The following VTN variants were observed in gnomAD, a reference collection of about 807,000 sequenced individuals.
The protein encoded by VTN is complement S-protein.
A neutral mutation model predicts 55.9 loss-of-function variants in VTN; 45 were observed. The ratio of observed to expected loss-of-function variants is 0.80; its 90% CI spans 0.63 to 1.03. The LOEUF (loss-of-function observed/expected upper bound fraction) is 1.03, where lower values mean the gene tolerates loss of function less well. VTN is among the 50% of genes least tolerant of loss of function. The pLI is 0.00. For synonymous variants in VTN, 238 were observed against 242.3 expected, an observed-to-expected ratio of 0.98 and a Z score of 0.17; for missense variants, 589 against 638.2, an observed-to-expected ratio of 0.92 and a Z score of 0.83.
chr17:28,368,963 G>A lies in VTN; in HGVS notation c.735C>T (p.Asp245=), dbSNP rs782754336. 52 of 1,604,026 alleles carry A rather than the reference G, an allele frequency of 3.2e-5. No homozygotes were observed. The highest frequency in any genetic ancestry group is 8.9e-5 in the Admixed American group (5 of 56,078). ...LDPDYPRNIS[D]GFDGIPDNVD... ...CGTTGTCCGGGATGCCATCGAAGCCGTCAGAGATATTTCGGGGGTAATCAG... is the reference window on the plus strand; with the variant it reads ...CGTTGTCCGGGATGCCATCGAAGCCATCAGAGATATTTCGGGGGTAATCAG... The change falls in exon 5 of 8, where the codon GAC becomes GAT. Residue 245 remains aspartate (D), a synonymous_variant. Transcript: ENST00000226218.
Position 28,367,324 on chromosome 17 carries a change from G to T in VTN, c.*45C>A. ...CTTTATTGGGCTGGGGGAAGGAGATGGGAGGAGGGAGCTACAGAGGGCCCG... is the reference window on the plus strand; with the variant it reads ...CTTTATTGGGCTGGGGGAAGGAGATTGGAGGAGGGAGCTACAGAGGGCCCG... On this transcript the variant is annotated 3_prime_UTR_variant, in exon 8 of 8. Coordinates refer to ENST00000226218, the MANE Select transcript of VTN (RefSeq NM_000638.4). 1 of 1,343,216 alleles carries T rather than the reference G, an allele frequency of 7.4e-7. No homozygotes were observed. The highest frequency in any genetic ancestry group is 1.0e-6 in the Non-Finnish European group (1 of 969,206). 83.2% of individuals were successfully genotyped at this position (1,343,216 alleles called of 1,614,324 possible). A position where few individuals can be genotyped will look rare whatever the true frequency, so the allele number is the denominator to read the frequency against.
At position 28,368,774 on chromosome 17, in the gene VTN, CA is replaced by C. The variant is rs1567801684; in HGVS notation, c.826+97del. 54 of 1,610,182 alleles carry C rather than the reference CA, an allele frequency of 3.4e-5. No homozygotes were observed. The South Asian group carries it at 4.8e-4, about 14-fold the overall frequency. On this transcript the variant is annotated intron_variant, in intron 5 of 7. Transcript: ENST00000226218. The stretch of plus-strand genomic sequence containing the variant: ...GGATCTCCCAGCATGAGGTGGGGGT[CA>C]GGGGTGGGCACATGCTGAGGCCTGT...
At position 28,368,568 on chromosome 17, in the gene VTN, T is replaced by C; in HGVS notation, c.932A>G (p.Asp311Gly). The stretch of plus-strand genomic sequence containing the variant: ...AAGCTCGAAGATGTCCTCCCAGCTG[T>C]CCCGCTGCATCATGGCAAAGTGTTC... ...VFEHFAMMQR[D>G]SWEDIFELLF... is the part of the protein sequence containing the mutation. Residue 311 changes from aspartate (D) to glycine (G), a missense_variant, in exon 6 of 8, where the codon GAC becomes GGC. By Grantham distance (94) the Asp-to-Gly change is moderately conservative (BLOSUM62 -1). Coordinates refer to ENST00000226218, the MANE Select transcript of VTN (RefSeq NM_000638.4). 1 of 1,614,008 alleles carries C rather than the reference T, an allele frequency of 6.2e-7. No individual in the cohort carries two copies. The highest frequency in any genetic ancestry group is 8.5e-7 in the Non-Finnish European group (1 of 1,180,010).
Position 28,369,701 on chromosome 17 carries a change from T to C in VTN, c.335A>G (p.Gln112Arg), listed in dbSNP as rs782541028. The C allele has an allele frequency of 6.2e-7, 1 of 1,613,822 alleles. No homozygotes were observed. Residue 112 changes from glutamine (Q) to arginine (R), a missense_variant, in exon 3 of 8, where the codon CAG becomes CGG. Around this residue, in one of 3 missense-constraint regions of VTN, gnomAD observed 217 missense variants for 241.3 expected, o/e 0.90. Coordinates refer to ENST00000226218, the MANE Select transcript of VTN (RefSeq NM_000638.4). This position sits in a 1 kb window ranked among gnomAD's most constrained non-coding sequence, Gnocchi z 5.3. ...TTCCTCAGGTTTCAGAACAGGTGTC[T>C]GCTCAGGATTCCCTTTGGACTGGGC... is the stretch of plus-strand genomic sequence containing the variant. ...LQAQSKGNPE[Q>R]TPVLKPEEEA...
rs782088771 is a variant in VTN, at chr17:28,368,471, G to A, written c.979+50C>T. The A allele has an allele frequency of 1.9e-5, 31 of 1,604,468 alleles. 1 individual carries two copies. Among genetic ancestry groups the A allele is most frequent in the Non-Finnish European group, 2.5e-5 (29 of 1,174,802 alleles). Reference sequence around the variant, plus strand: ...GCCGGCCTGGCTCTACCAATACCAAGGGGTTTCAGCCCTTTTGAGGGAGAA... The same window carrying A: ...GCCGGCCTGGCTCTACCAATACCAAAGGGTTTCAGCCCTTTTGAGGGAGAA... On this transcript the variant is annotated intron_variant, in intron 6 of 7. Coordinates refer to ENST00000226218, the MANE Select transcript of VTN (RefSeq NM_000638.4).
Position 28,369,748 on chromosome 17 carries a change from G to A in VTN, c.288C>T (p.Pro96=), listed in dbSNP as rs782327226. 99 of 1,613,858 alleles carry A rather than the reference G, an allele frequency of 6.1e-5. No homozygotes were observed. The Admixed American group carries it at 1.6e-3, about 27-fold the overall frequency. ...GGGCCTGGAGGTCAGAGGTCAGGGA[G>A]GGGCCCCCCACCTGTTCATGGACAG... The part of the protein sequence containing the change: ...NATVHEQVGG[P]SLTSDLQAQS... The change falls in exon 3 of 8, where the codon CCC becomes CCT. Residue 96 remains proline (P), a synonymous_variant. Coordinates refer to ENST00000226218, the MANE Select transcript of VTN (RefSeq NM_000638.4). This position sits in a 1 kb window ranked among gnomAD's most constrained non-coding sequence, Gnocchi z 5.3.
In VTN at chr17:28,367,356, T is replaced by G; in HGVS notation, c.*13A>C. ...GGGAGCTACAGAGGGCCCGGCCATG[T>G]GGGCTCTGACTCCTACAGATGGCCA... On this transcript the variant is annotated 3_prime_UTR_variant, in exon 8 of 8. Coordinates refer to ENST00000226218, the MANE Select transcript of VTN (RefSeq NM_000638.4). The G allele has an allele frequency of 6.4e-7, 1 of 1,562,510 alleles. No homozygotes were observed. The highest frequency in any genetic ancestry group is 1.2e-5 in the South Asian group (1 of 84,634).
chr17:28,369,349 C>G lies in VTN; in HGVS notation c.609G>C (p.Glu203Asp). The change falls in exon 4 of 8, where the codon GAG becomes GAC. Residue 203 changes from glutamate (E) to aspartate (D), a missense_variant. By Grantham distance (45) the Glu-to-Asp change is conservative. Coordinates refer to ENST00000226218, the MANE Select transcript of VTN (RefSeq NM_000638.4). This position sits in a 1 kb window ranked among gnomAD's most constrained non-coding sequence, Gnocchi z 5.3. Reference protein sequence around the residue: ...PKLIRDVWGIEGPIDAAFTRI... With the variant: ...PKLIRDVWGIDGPIDAAFTRI... ...GGGTGAAGGCGGCATCGATGGGGCC[C>G]TCGATGCCCCAGACATCTCGGATGA... The G allele has an allele frequency of 6.2e-7, 1 of 1,607,820 alleles. No homozygotes were observed. Among genetic ancestry groups the G allele is most frequent in the Non-Finnish European group, 8.5e-7 (1 of 1,175,208 alleles).
rs564459012 is a variant in VTN at position 28,368,896 on chromosome 17, G to A, written c.802C>T (p.Arg268Trp). The change falls in exon 5 of 8, where the codon CGG becomes TGG. Residue 268 changes from arginine to tryptophan, a missense_variant. This residue lies in a region of VTN where 334 missense variants were observed against 328.2 expected (regional missense o/e 1.02). Transcript: ENST00000226218. Reference sequence around the variant, plus strand: ...CCCTTGAAGAAGTAGACCCGCTCCCGGCCACTGTAGCTATGGGCAGGGAGG... The same window carrying A: ...CCCTTGAAGAAGTAGACCCGCTCCCAGCCACTGTAGCTATGGGCAGGGAGG... The part of the protein sequence containing the change: ...LALPAHSYSG[R>W]ERVYFFKGKQ... The A allele has an allele frequency of 2.6e-5, 42 of 1,613,472 alleles. No individual in the cohort carries two copies. The East Asian group carries it at 3.8e-4, about 15-fold the overall frequency.
At position 28,370,131 on chromosome 17, in the gene VTN, C is replaced by A. The variant is rs376564388; in HGVS notation, c.64+9G>T. On this transcript the variant is annotated intron_variant, in intron 1 of 7. Coordinates refer to ENST00000226218, the MANE Select transcript of VTN (RefSeq NM_000638.4). The stretch of plus-strand genomic sequence containing the variant: ...ATTGACCCAGATGGCCACCAACACT[C>A]CCCTGTACCTTGGTCAGCCAGAGCA... 108 of 1,613,672 alleles carry A rather than the reference C, an allele frequency of 6.7e-5. No homozygotes were observed. In the African/African-American group the frequency reaches 1.4e-3, roughly 21 times the overall value.
At position 28,368,859 on chromosome 17, in the gene VTN, A is replaced by G. The variant is rs2227724; in HGVS notation, c.826+13T>C. 529 of 1,612,992 alleles carry G rather than the reference A, an allele frequency of 3.3e-4. 1 individual carries two copies. The African/African-American group carries it at 6.4e-3, about 20-fold the overall frequency. On this transcript the variant is annotated intron_variant, in intron 5 of 7. Coordinates refer to ENST00000226218, the MANE Select transcript of VTN (RefSeq NM_000638.4). ...TCCACTGCCTGCTCAGTCTCCCACC[A>G]CCCCCTGAGTACCCTTGAAGAAGTA...
In VTN at chr17:28,369,101, A is replaced by G. The variant is rs561993756; in HGVS notation, c.670-73T>C. 215 of 1,522,430 alleles carry G rather than the reference A, an allele frequency of 1.4e-4. 2 individuals are homozygous for G. In the East Asian group the frequency reaches 4.8e-3, roughly 34 times the overall value. The allele number at this position is 1,522,430 out of a possible 1,614,324, so 94.3% of individuals were successfully genotyped here. ...CACAGAGGCAGAGTCCCTTGCCCTA[A>G]GGCAGCCGTTCCCAGGTCCAGGTTC... On this transcript the variant is annotated intron_variant, in intron 4 of 7. Coordinates refer to ENST00000226218, the MANE Select transcript of VTN (RefSeq NM_000638.4). The surrounding 1 kb of genome is among the most constrained non-coding windows in gnomAD (Gnocchi z 5.3).
chr17:28,369,273 C>T lies in VTN; in HGVS notation c.669+16G>A. On this transcript the variant is annotated intron_variant, in intron 4 of 7. Coordinates refer to ENST00000226218, the MANE Select transcript of VTN (RefSeq NM_000638.4). This position sits in a 1 kb window ranked among gnomAD's most constrained non-coding sequence, Gnocchi z 5.3. ...CTCCCTAGATGCTTTCTACCCTGGC[C>T]CACAGCCCCTGGCACCTTGAAGAGG... The T allele has an allele frequency of 1.3e-6, 2 of 1,568,606 alleles. No homozygotes were observed. Among genetic ancestry groups the T allele is most frequent in the Non-Finnish European group, 8.7e-7 (1 of 1,153,156 alleles).
rs1209957064 is a variant in VTN, at chr17:28,370,225, C to T, written c.-22G>A. On this transcript the variant is annotated 5_prime_UTR_variant, in exon 1 of 8. Transcript: ENST00000226218. ...CCATGGCAGGGCTTCTAGCTCAGTG[C>T]CTGGCAAGCTGGGCTCTGGTCTCCC... 2 of 1,603,992 alleles carry T rather than the reference C, an allele frequency of 1.2e-6. No individual in the cohort carries two copies. Among genetic ancestry groups the T allele is most frequent in the African/African-American group, 1.3e-5 (1 of 74,794 alleles).
rs139553576 is a variant in VTN at position 28,367,882 on chromosome 17, C to T, written c.1157G>A (p.Ser386Asn). Residue 386 changes from serine (S) to asparagine (N), a missense_variant, in exon 7 of 8, where the codon AGC (serine) becomes AAC (asparagine). By Grantham distance (46) the Ser-to-Asn change is conservative (BLOSUM62 1). Around this residue, in one of 3 missense-constraint regions of VTN, gnomAD observed 334 missense variants for 328.2 expected, o/e 1.02. Transcript: ENST00000226218. ...RKGYRSQRGH[S>N]RGRNQNSRRP... Reference sequence around the variant, plus strand: ...GCGGGAGTTCTGGTTGCGGCCACGGCTGTGGCCTCGTTGTGAACGGTAGCC... The same window carrying T: ...GCGGGAGTTCTGGTTGCGGCCACGGTTGTGGCCTCGTTGTGAACGGTAGCC... 309 of 1,613,672 alleles carry T rather than the reference C, an allele frequency of 1.9e-4. No homozygotes were observed. The highest frequency in any genetic ancestry group is 3.3e-4 in the Middle Eastern group (2 of 6,084).
rs782480590 is a variant in VTN, at chr17:28,370,122, A to G, written c.64+18T>C. 5.0e-6 allele frequency: 8 copies of G among 1,613,618 alleles called. No individual in the cohort carries two copies. Among genetic ancestry groups the G allele is most frequent in the Middle Eastern group, 1.7e-4 (1 of 6,060 alleles). On this transcript the variant is annotated intron_variant, in intron 1 of 7. Transcript: ENST00000226218. ...CCTCCCTACATTGACCCAGATGGCC[A>G]CCAACACTCCCCTGTACCTTGGTCA... is the stretch of plus-strand genomic sequence containing the variant.
intron 1 of VTN, 37 bp from the exon 2 acceptor site, chr17:28,370,083 C>G: frequency 6.2e-7 from 1 of 1,613,984 alleles, no homozygotes; most frequent in Non-Finnish European, 8.5e-7. Context: ...CCACCAAGCC[C>G]AGACCACCCT....
Position 28,369,963 on chromosome 17 carries a change from A to C in VTN, c.148T>G (p.Cys50Gly), listed in dbSNP as rs1555583745. 6.2e-7 allele frequency: 1 copy of C among 1,614,120 alleles called. No homozygotes were observed. The highest frequency in any genetic ancestry group is 1.7e-5 in the Admixed American group (1 of 60,028). Reference sequence around the variant, plus strand: ...CACTCAGCCGTATAGTCTGTGCAGCAGCTCTGGTAGTAAGAGCAGAGCTCG... The same window carrying C: ...CACTCAGCCGTATAGTCTGTGCAGCCGCTCTGGTAGTAAGAGCAGAGCTCG... ...CDELCSYYQSCCTDYTAECKP... is the reference protein window; with the variant it reads ...CDELCSYYQSGCTDYTAECKP... The change falls in exon 2 of 8, where the codon TGC becomes GGC. Residue 50 changes from cysteine to glycine, a missense_variant. Physicochemically the swap from Cys to Gly is radical, Grantham distance 159. Transcript: ENST00000226218. The surrounding 1 kb of genome is among the most constrained non-coding windows in gnomAD (Gnocchi z 5.3).
Position 28,368,567 on chromosome 17 carries a change from G to A in VTN, c.933C>T (p.Asp311=). ...GAAGCTCGAAGATGTCCTCCCAGCT[G>A]TCCCGCTGCATCATGGCAAAGTGTT... The part of the protein sequence containing the change: ...VFEHFAMMQR[D]SWEDIFELLF... Residue 311 remains aspartate (D), a synonymous_variant, in exon 6 of 8, where the codon GAC becomes GAT. Coordinates refer to ENST00000226218, the MANE Select transcript of VTN (RefSeq NM_000638.4). 2 of 1,614,074 alleles carry A rather than the reference G, an allele frequency of 1.2e-6. No homozygotes were observed. The highest frequency in any genetic ancestry group is 2.7e-5 in the African/African-American group (2 of 75,058).
Sources: allele counts gnomAD v4.1 joint callset, GRCh38; gene constraint gnomAD v4.1.1; regional missense constraint gnomAD v4.1.1; non-coding constraint Gnocchi (gnomAD v3.1); transcripts MANE v1.5; gene names NCBI Gene and HGNC (gene_info 2026-07-23, HGNC 2026-07-21).